The following LRP1B variants were observed in gnomAD, a reference collection of about 807,000 sequenced individuals.
The protein encoded by LRP1B is low-density lipoprotein receptor-related protein 1B.
A neutral mutation model predicts 556.6 loss-of-function variants in LRP1B; 217 were observed. The observed-to-expected ratio is 0.39, with a 90% CI of 0.35 to 0.44. LRP1B has a LOEUF of 0.44. Among genes scored for constraint, LRP1B ranks in the 20% least tolerant of loss-of-function variants. The probability of loss-of-function intolerance (pLI) is 1.00; values close to 1 mark genes in which losing one functional copy is unlikely to be tolerated. For synonymous variants in LRP1B, 2,047 were observed against 1,865.8 expected, an observed-to-expected ratio of 1.10 and a Z score of -2.50; for missense variants, 5,053 against 5,620.8, an observed-to-expected ratio of 0.90 and a Z score of 3.23.
chr2:141,396,853 C>T (rs534807164), intron 3 of LRP1B, among the ~76,000 whole-genome samples: 29 of 151,996 alleles, frequency 1.9e-4, no homozygotes, highest in Non-Finnish European at 3.2e-4. Flanking sequence ...CCGGGCACAA[C>T]GGCTCATGCC....
rs79589747 is a variant in LRP1B, at chr2:140,452,784, A to G, written c.9964-2123T>C. Among the ~76,000 whole-genome samples the G allele has an allele frequency of 2.0e-3, 309 of 152,170 alleles. 2 individuals carry two copies. The highest frequency in any genetic ancestry group is 4.1e-3 in the Admixed American group (62 of 15,284). The stretch of plus-strand genomic sequence containing the variant: ...TGGCTTTTGCTAAATTTGTCTGGAT[A>G]TGATGGGGTGAATTCATGATAGATT... On this transcript the variant is annotated intron_variant, in intron 62 of 90. Coordinates refer to ENST00000389484, the MANE Select transcript of LRP1B (RefSeq NM_018557.3).
intron 66 of LRP1B, among the ~76,000 whole-genome samples, chr2:140,403,653 A>G (rs181629888): frequency 5.9e-5 from 9 of 152,328 alleles, no homozygotes; most frequent in African/African-American, 2.2e-4. Flanking sequence ...ACCTATACAT[A>G]ATTGATGTTT....
chr2:141,686,205 A>G (rs1691295641), intron 2 of LRP1B, among the ~76,000 whole-genome samples: 1 of 151,964 alleles, frequency 6.6e-6, no homozygotes, highest in Non-Finnish European at 1.5e-5. Flanking sequence ...GTTAACCACT[A>G]CTTTAAAATA....
chr2:141,365,670 T>G (rs1371891926), intron 3 of LRP1B, among the ~76,000 whole-genome samples: 1 of 137,760 alleles, frequency 7.3e-6, no homozygotes, highest in African/African-American at 2.8e-5. Context: ...TTTTTTTTTT[T>G]GAGACAGAGT....
intron 84 of LRP1B, among the ~76,000 whole-genome samples, chr2:140,287,435 G>A (rs751845102): frequency 6.6e-5 from 10 of 151,490 alleles, no homozygotes; most frequent in African/African-American, 1.2e-4. Flanking sequence ...TCATTATGTC[G>A]TCCTATCCAT....
At chr2:141,649,632 C>A (rs1017982474) in intron 2 of LRP1B, among the ~76,000 whole-genome samples, 1 of 152,078 alleles carries the variant, frequency 6.6e-6, no homozygotes, top group Non-Finnish European at 1.5e-5. Flanking sequence ...GTGGAACAGG[C>A]GTAAACATGC....
intron 2 of LRP1B, among the ~76,000 whole-genome samples, chr2:141,782,514 C>CTTTTTTTTTTTTT (rs5834867): frequency 4.1e-5 from 4 of 97,864 alleles, no homozygotes; most frequent in African/African-American, 8.8e-5. Flanking sequence ...TTCTATTTTC[C>CTTTTTTTTTTTTT]TTTTTTTTTT....
chr2:140,950,877 C>T (rs984764751), intron 19 of LRP1B, among the ~76,000 whole-genome samples: 4 of 150,458 alleles, frequency 2.7e-5, no homozygotes, highest in Non-Finnish European at 4.4e-5. Flanking sequence ...AACAACATTG[C>T]TGATAAACAG....
chr2:140,269,399 A>G (rs1405672729), intron 86 of LRP1B: 1 of 468,732 alleles, frequency 2.1e-6, no homozygotes, highest in Non-Finnish European at 4.4e-6. Flanking sequence ...ATTTCAGTAA[A>G]ATACAGCTAA....
chr2:141,338,980 G>A (rs1188346741), intron 3 of LRP1B, among the ~76,000 whole-genome samples: 1 of 151,746 alleles, frequency 6.6e-6, no homozygotes, highest in African/African-American at 2.4e-5. Flanking sequence ...GGATATGACA[G>A]GCGTTCATGA....
At chr2:140,643,546 T>A (rs1684376964) in intron 41 of LRP1B, among the ~76,000 whole-genome samples, 1 of 152,230 alleles carries the variant, frequency 6.6e-6, no homozygotes, top group African/African-American at 2.4e-5. Flanking sequence ...TGATCACCAT[T>A]AAAATGTGAA....
At chr2:141,553,754 ATAT>A (rs1685844301) in intron 2 of LRP1B, among the ~76,000 whole-genome samples, 1 of 139,536 alleles carries the variant, frequency 7.2e-6, no homozygotes, top group Admixed American at 7.5e-5. Flanking sequence ...AAAATATATA[ATAT>A]ATTATATATG....
intron 87 of LRP1B, among the ~76,000 whole-genome samples, chr2:140,242,782 G>T (rs1297337136): frequency 6.6e-6 from 1 of 151,158 alleles, no homozygotes; most frequent in African/African-American, 2.4e-5. Flanking sequence ...TGGGCTGGAA[G>T]GAGATGTGAC....
intron 43 of LRP1B, among the ~76,000 whole-genome samples, chr2:140,553,772 G>C (rs185262410): frequency 8.5e-4 from 129 of 152,102 alleles, no homozygotes; most frequent in African/African-American, 2.9e-3. Context: ...TACATCCTTA[G>C]GTCTGAAAGG....
intron 23 of LRP1B, among the ~76,000 whole-genome samples, chr2:140,887,124 C>T (rs1286024645): frequency 6.6e-6 from 1 of 152,048 alleles, no homozygotes; most frequent in Non-Finnish European, 1.5e-5. Context: ...TTATTTATTG[C>T]ACAGTATTGT....
chr2:141,490,094 T>A (rs1258636724), intron 2 of LRP1B, among the ~76,000 whole-genome samples: 1 of 152,050 alleles, frequency 6.6e-6, no homozygotes, highest in Non-Finnish European at 1.5e-5. Flanking sequence ...GGGAAAGGAG[T>A]TATTGTAGCT....
chr2:142,093,762 G>A (rs1574677255), intron 1 of LRP1B, among the ~76,000 whole-genome samples: 1 of 152,010 alleles, frequency 6.6e-6, no homozygotes, highest in African/African-American at 2.4e-5. Flanking sequence ...AAAAAGATAA[G>A]GTTATAGAGC....
At chr2:141,423,082 AGAG>A (rs1407335065) in intron 3 of LRP1B, among the ~76,000 whole-genome samples, 2 of 152,160 alleles carry the variant, frequency 1.3e-5, no homozygotes, top group African/African-American at 4.8e-5. Context: ...TAAAAGGCGA[AGAG>A]GAGAAGAGGT....
intron 6 of LRP1B, among the ~76,000 whole-genome samples, chr2:141,204,610 T>A (rs1289272206): frequency 6.6e-6 from 1 of 152,188 alleles, no homozygotes; most frequent in Non-Finnish European, 1.5e-5. Context: ...ATAAAATATG[T>A]ACTCATATTG....
Sources: gnomAD v4.1 joint callset for allele counts (sites outside exome capture counted in the v4.1 genomes callset) on GRCh38, gnomAD v4.1.1 for gene constraint, MANE v1.5 for transcripts, NCBI Gene and HGNC (gene_info 2026-07-23, HGNC 2026-07-21) for gene names.